Variants in CAPN2 observed in about 807,000 individuals in gnomAD.
The protein encoded by CAPN2 is calpain 2.
CAPN2 carries 92 observed loss-of-function variants against 102.3 expected under a neutral mutation model. The ratio of observed to expected loss-of-function variants is 0.90; its 90% CI spans 0.76 to 1.07. The LOEUF is 1.07. Ranked by LOEUF, CAPN2 falls within the 50% of genes least tolerant of loss-of-function variation. The pLI is 0.00. For synonymous variants in CAPN2, 340 were observed against 355.4 expected (o/e 0.96, Z 0.49); for missense variants, 800 against 909.4 (o/e 0.88, Z 1.55).
At chr1:223,768,101 G>A (rs1661382342) in intron 16 of CAPN2, among the ~76,000 whole-genome samples, 1 of 151,948 alleles carries the variant, frequency 6.6e-6, no homozygotes, top group Non-Finnish European at 1.5e-5. Context: ...CCCTTTGTCA[G>A]ATAAGCAGGT....
rs1479000520 is a variant in CAPN2, at chr1:223,727,908, A to G, written c.307+10077A>G. Among the ~76,000 whole-genome samples, 4 of 152,280 alleles carry G rather than the reference A, an allele frequency of 2.6e-5. No individual in the cohort carries two copies. Among genetic ancestry groups the G allele is most frequent in the Admixed American group, 2.6e-4 (4 of 15,302 alleles). ...GTGCCTTTCCAAACCACACATCAGC[A>G]GGGAGACAGTGGGAACATCTCAGGT... is the stretch of plus-strand genomic sequence containing the variant. On this transcript the variant is annotated intron_variant, in intron 2 of 20. Transcript: ENST00000295006. This position sits in a 1 kb window ranked among gnomAD's most constrained non-coding sequence, Gnocchi z 4.1.
chr1:223,749,311 G>A, intron 6 of CAPN2, 189 bp downstream of exon 6: 1 of 599,656 alleles, frequency 1.7e-6, no homozygotes, highest in Non-Finnish European at 3.0e-6. Flanking sequence ...CGGGTGCGCC[G>A]CGCTGCCACC....
At chr1:223,765,532 G>A (rs779402998) in intron 15 of CAPN2, among the ~76,000 whole-genome samples, 15 of 152,156 alleles carry the variant, frequency 9.9e-5, no homozygotes, top group Non-Finnish European at 1.6e-4. Flanking sequence ...GCTGGGAGGT[G>A]GGGAAGAAGC....
At chr1:223,710,043 G>A (rs190625594), upstream of CAPN2, among the ~76,000 whole-genome samples, 1 of 152,264 alleles carries the variant, frequency 6.6e-6, no homozygotes, top group African/African-American at 2.4e-5. Context: ...GGGAAGCTGA[G>A]GCAGGCGGAT....
chr1:223,756,880 G>A lies in CAPN2; in HGVS notation c.1306-489G>A, dbSNP rs1011387664. 1.3e-5 allele frequency among the ~76,000 whole-genome samples: 2 copies of A among 152,172 alleles called. No individual in the cohort carries two copies. The highest frequency in any genetic ancestry group is 6.5e-5 in the Admixed American group (1 of 15,274). On this transcript the variant is annotated intron_variant, in intron 10 of 20. Transcript: ENST00000295006. This position sits in a 1 kb window ranked among gnomAD's most constrained non-coding sequence, Gnocchi z 4.1. ...AATGCAGCCACGGGCTTTCAGAGTT[G>A]GGACGGACCTTGGGGATCACTGGGT...
At chr1:223,739,783 G>T (rs73123608) in intron 2 of CAPN2, among the ~76,000 whole-genome samples, 1 of 152,196 alleles carries the variant, frequency 6.6e-6, no homozygotes, top group Non-Finnish European at 1.5e-5. Flanking sequence ...CAACATTCCA[G>T]GAGAGGCCTC....
chr1:223,747,246 C>G, intron 5 of CAPN2, 81 bp downstream of exon 5: 3 of 1,400,406 alleles, frequency 2.1e-6, no homozygotes, highest in South Asian at 2.8e-5. Context: ...AGGGAACCCA[C>G]TGCTCCTGTG....
chr1:223,759,522 C>A lies in CAPN2; in HGVS notation c.1529+41C>A. On this transcript the variant is annotated intron_variant, in intron 12 of 20. Transcript: ENST00000295006. The surrounding 1 kb of genome is among the most constrained non-coding windows in gnomAD (Gnocchi z 4.6). ...CCTTCCTCTCCCCACCCTTCCCTGT[C>A]CCTCCCCACTGGTCTGTTCCTCGGC... The A allele has an allele frequency of 6.4e-7, 1 of 1,553,858 alleles. No homozygotes were observed. Among genetic ancestry groups the A allele is most frequent in the Non-Finnish European group, 8.9e-7 (1 of 1,128,382 alleles).
rs1431116924 is a variant in CAPN2, at chr1:223,768,184, C to G, written c.1756-1657C>G. ...TAGTTTCTTTTGCTGTGCAGAAGCT[C>G]TTTAGTTTAATTAGATCCCATTTGT... is the stretch of plus-strand genomic sequence containing the variant. On this transcript the variant is annotated intron_variant, in intron 16 of 20. Coordinates refer to ENST00000295006, the MANE Select transcript of CAPN2 (RefSeq NM_001748.5). Among the ~76,000 whole-genome samples the G allele has an allele frequency of 2.3e-3, 345 of 147,398 alleles. 2 individuals are homozygous for G. The highest frequency in any genetic ancestry group is 8.1e-3 in the African/African-American group (322 of 39,544).
chr1:223,774,956 G>A lies in CAPN2; in HGVS notation c.*99G>A. 1.0e-6 allele frequency: 1 copy of A among 984,830 alleles called. No homozygotes were observed. The allele number at this position is 984,830 out of a possible 1,614,324, so 61.0% of individuals were successfully genotyped here. On this transcript the variant is annotated 3_prime_UTR_variant, in exon 21 of 21. Coordinates refer to ENST00000295006, the MANE Select transcript of CAPN2 (RefSeq NM_001748.5). Reference sequence around the variant, plus strand: ...CTTTGTATCTGGACCTCAAAATTATGGGAACATTTACTTAAACGGATGATC... The same window carrying A: ...CTTTGTATCTGGACCTCAAAATTATAGGAACATTTACTTAAACGGATGATC...
Position 223,755,355 on chromosome 1 carries a change from CA to C in CAPN2, c.1136-124del. 9.1e-6 allele frequency: 8 copies of C among 882,068 alleles called. No individual in the cohort carries two copies. The highest frequency in any genetic ancestry group is 1.1e-5 in the Non-Finnish European group (6 of 565,372). The allele number at this position is 882,068 out of a possible 1,614,324, so 54.6% of individuals were successfully genotyped here. On this transcript the variant is annotated intron_variant, in intron 9 of 20. Transcript: ENST00000295006. This position sits in a 1 kb window ranked among gnomAD's most constrained non-coding sequence, Gnocchi z 4.1. ...CCCACCACCTCTTACCATCTCCCAC[CA>C]CCTCCCACCATCTCCCTTTATCTCC...
rs1660994913 is a variant in CAPN2 at position 223,754,990 on chromosome 1, G to A, written c.1136-490G>A. On this transcript the variant is annotated intron_variant, in intron 9 of 20. Transcript: ENST00000295006. This position sits in a 1 kb window ranked among gnomAD's most constrained non-coding sequence, Gnocchi z 4.7. ...AGTCCCCAAGACAAGCCAGCCTGGA[G>A]CCAGAGAGAGAACTGCAAGAGAAAG... Among the ~76,000 whole-genome samples, 1 of 152,164 alleles carries A rather than the reference G, an allele frequency of 6.6e-6. No homozygotes were observed. The highest frequency in any genetic ancestry group is 1.9e-4 in the East Asian group (1 of 5,188).
In CAPN2 at chr1:223,731,975, G is replaced by T. The variant is rs139301322; in HGVS notation, c.308-12125G>T. Among the ~76,000 whole-genome samples, 1 of 152,356 alleles carries T rather than the reference G, an allele frequency of 6.6e-6. No individual in the cohort carries two copies. The highest frequency in any genetic ancestry group is 1.5e-5 in the Non-Finnish European group (1 of 68,038). On this transcript the variant is annotated intron_variant, in intron 2 of 20. Transcript: ENST00000295006. This position sits in a 1 kb window ranked among gnomAD's most constrained non-coding sequence, Gnocchi z 4.2. ...AACACTCAGTTGGAAAAAAAGGCAA[G>T]AGGGTTTTATTCCTGACCAGGAGAA... is the stretch of plus-strand genomic sequence containing the variant.
upstream of CAPN2, among the ~76,000 whole-genome samples, chr1:223,707,964 C>T (rs1301810299): frequency 6.6e-6 from 1 of 152,236 alleles, no homozygotes; most frequent in Non-Finnish European, 1.5e-5. Context: ...GAAGGACAAG[C>T]TTTCTCCCAA....
Position 223,731,694 on chromosome 1 carries a change from T to C in CAPN2, c.308-12406T>C, listed in dbSNP as rs1050632580. On this transcript the variant is annotated intron_variant, in intron 2 of 20. Transcript: ENST00000295006. The surrounding 1 kb of genome is among the most constrained non-coding windows in gnomAD (Gnocchi z 4.2). Reference sequence around the variant, plus strand: ...GACTAGATTGGAGGGGAAAGAGACATGTCCTCCAGAGTTGACTTACGCGAG... The same window carrying C: ...GACTAGATTGGAGGGGAAAGAGACACGTCCTCCAGAGTTGACTTACGCGAG... Among the ~76,000 whole-genome samples, 26 of 152,148 alleles carry C rather than the reference T, an allele frequency of 1.7e-4. No individual in the cohort carries two copies. The highest frequency in any genetic ancestry group is 6.3e-4 in the African/African-American group (26 of 41,438).
rs1179628342 is a variant in CAPN2, at chr1:223,726,455, AAAAACGAC to A, written c.307+8630_307+8637del. On this transcript the variant is annotated intron_variant, in intron 2 of 20. Transcript: ENST00000295006. This position sits in a 1 kb window ranked among gnomAD's most constrained non-coding sequence, Gnocchi z 4.4. ...TCAGGGCTGCAGGGAACAGGGACAC[AAAAACGAC>A]AAAACATGCAACAGGTTATGTCCTT... Among the ~76,000 whole-genome samples, 2 of 152,146 alleles carry A rather than the reference AAAAACGAC, an allele frequency of 1.3e-5. No homozygotes were observed. Among genetic ancestry groups the A allele is most frequent in the African/African-American group, 4.8e-5 (2 of 41,432 alleles).
Position 223,731,136 on chromosome 1 carries a change from G to A in CAPN2, c.308-12964G>A, listed in dbSNP as rs1660325563. Among the ~76,000 whole-genome samples the A allele has an allele frequency of 1.3e-5, 2 of 152,188 alleles. No individual in the cohort carries two copies. Among genetic ancestry groups the A allele is most frequent in the East Asian group, 1.9e-4 (1 of 5,194 alleles). ...AGATACCCCAAAGGATGATTAAGGA[G>A]GGAGAGTTGGAAGGAAGGTTTCCCA... is the stretch of plus-strand genomic sequence containing the variant. On this transcript the variant is annotated intron_variant, in intron 2 of 20. Transcript: ENST00000295006. The surrounding 1 kb of genome is among the most constrained non-coding windows in gnomAD (Gnocchi z 4.2).
At chr1:223,757,544 T>A in intron 11 of CAPN2, 164 bp downstream of exon 11, 1 of 719,990 alleles carries the variant, frequency 1.4e-6, no homozygotes, top group Admixed American at 2.3e-5. Context: ...AGGCTCTAGA[T>A]CCCACTGGTC....
intron 2 of CAPN2, among the ~76,000 whole-genome samples, chr1:223,735,085 G>A (rs757454909): frequency 6.6e-6 from 1 of 152,098 alleles, no homozygotes; most frequent in Admixed American, 6.5e-5. Flanking sequence ...ATGGAACCCC[G>A]GTTTCCCTTC....
Sources: gnomAD v4.1 joint callset for allele counts (sites outside exome capture counted in the v4.1 genomes callset) on GRCh38, gnomAD v4.1.1 for gene constraint, Gnocchi (gnomAD v3.1) non-coding constraint, MANE v1.5 for transcripts, NCBI Gene and HGNC (gene_info 2026-07-23, HGNC 2026-07-21) for gene names.